Variants in MYO3A observed in about 807,000 individuals in gnomAD.
The protein encoded by MYO3A is myosin IIIA, also known as myosin-IIIa.
Under a neutral mutation model 192.7 loss-of-function variants are expected in MYO3A, and 180 were observed. The ratio of observed to expected loss-of-function variants is 0.93; its 90% CI spans 0.83 to 1.06. The LOEUF is 1.06. MYO3A is among the 50% of genes least tolerant of loss of function. The pLI is 0.00. For missense variants in MYO3A, 1,896 were observed against 1,905.0 expected (o/e 1.00, Z 0.09); for synonymous variants, 628 against 645.3 (o/e 0.97, Z 0.41).
chr10:26,192,364 T>C (rs1234792804), intron 31 of MYO3A, among the ~76,000 whole-genome samples: 1 of 152,178 alleles, frequency 6.6e-6, no homozygotes, highest in Non-Finnish European at 1.5e-5. Flanking sequence ...GAGTCAACTC[T>C]GCAAATGAGC....
At chr10:26,197,498 C>A (rs1843469216) in intron 32 of MYO3A, among the ~76,000 whole-genome samples, 1 of 152,144 alleles carries the variant, frequency 6.6e-6, no homozygotes, top group South Asian at 2.1e-4. Flanking sequence ...AGGCAGCACC[C>A]AATCTCTCTT....
intron 10 of MYO3A, among the ~76,000 whole-genome samples, chr10:26,030,910 C>G (rs908086194): frequency 1.3e-5 from 2 of 152,162 alleles, no homozygotes; most frequent in Non-Finnish European, 2.9e-5. Context: ...CATCACTTTT[C>G]TAACTTATTC....
intron 23 of MYO3A, among the ~76,000 whole-genome samples, chr10:26,150,540 G>A (rs1052515013): frequency 1.3e-5 from 2 of 152,230 alleles, no homozygotes; most frequent in Non-Finnish European, 2.9e-5. Context: ...ATTTTTGAGT[G>A]AGCTTTAGTA....
In MYO3A at chr10:26,203,505, C is replaced by T. The variant is rs190323119; in HGVS notation, c.4730+398C>T. Among the ~76,000 whole-genome samples, 965 of 152,188 alleles carry T rather than the reference C, an allele frequency of 6.3e-3. 12 individuals carry two copies. The highest frequency in any genetic ancestry group is 0.021 in the African/African-American group (873 of 41,526). On this transcript the variant is annotated intron_variant, in intron 34 of 34. Coordinates refer to ENST00000642920, the MANE Select transcript of MYO3A (RefSeq NM_017433.5). ...GTTTCTTAATTATGCTTGTTAATTTCTCAGAATCAATGATGTCAGACCCAA... is the reference window on the plus strand; with the variant it reads ...GTTTCTTAATTATGCTTGTTAATTTTTCAGAATCAATGATGTCAGACCCAA...
chr10:26,128,345 C>G (rs774721264), intron 19 of MYO3A, 46 bp from the exon 20 acceptor site: 1 of 1,580,806 alleles, frequency 6.3e-7, no homozygotes, highest in South Asian at 1.1e-5. Context: ...TTTTACATTA[C>G]CTCTTCAGGA....
intron 2 of MYO3A, among the ~76,000 whole-genome samples, chr10:25,948,478 T>C (rs1483674186): frequency 2.6e-5 from 4 of 152,068 alleles, no homozygotes; most frequent in African/African-American, 9.7e-5. Context: ...AATATATATG[T>C]TGAAAATAAT....
intron 34 of MYO3A, among the ~76,000 whole-genome samples, chr10:26,206,995 T>C (rs1012205113): frequency 6.6e-6 from 1 of 152,202 alleles, no homozygotes; most frequent in Non-Finnish European, 1.5e-5. Context: ...TTCTCAGTCT[T>C]CTTTTGAGAA....
intron 4 of MYO3A, among the ~76,000 whole-genome samples, chr10:25,989,285 T>A (rs987248815): frequency 4.6e-5 from 7 of 151,406 alleles, no homozygotes; most frequent in Admixed American, 2.0e-4. Flanking sequence ...TAAAGCAGCT[T>A]GCAATTTAAA....
intron 17 of MYO3A, among the ~76,000 whole-genome samples, chr10:26,108,662 G>A (rs1443503689): frequency 1.3e-5 from 2 of 152,136 alleles, no homozygotes; most frequent in East Asian, 1.9e-4. Flanking sequence ...AGTGCTTTTG[G>A]CATATTCTCC....
Position 25,975,444 on chromosome 10 carries a change from G to A in MYO3A, c.303+20436G>A, listed in dbSNP as rs7915984. Reference sequence around the variant, plus strand: ...CTTTAGGAAAGAAAGCGTAACGGCAGTTATCAAAGAAGAGGGTGTAACAAC... The same window carrying A: ...CTTTAGGAAAGAAAGCGTAACGGCAATTATCAAAGAAGAGGGTGTAACAAC... On this transcript the variant is annotated intron_variant, in intron 4 of 34. Transcript: ENST00000642920. Among the ~76,000 whole-genome samples the A allele has an allele frequency of 3.9e-3, 601 of 152,308 alleles. 3 individuals are homozygous for A. Among genetic ancestry groups the A allele is most frequent in the Non-Finnish European group, 4.1e-3 (282 of 68,024 alleles).
chr10:26,132,265 T>C (rs1839581818), intron 20 of MYO3A, among the ~76,000 whole-genome samples: 1 of 152,242 alleles, frequency 6.6e-6, no homozygotes, highest in Non-Finnish European at 1.5e-5. Flanking sequence ...ATCACCTATC[T>C]CATATTAGAA....
At chr10:25,968,641 G>A (rs1370941500) in intron 4 of MYO3A, among the ~76,000 whole-genome samples, 1 of 152,224 alleles carries the variant, frequency 6.6e-6, no homozygotes, top group Non-Finnish European at 1.5e-5. Flanking sequence ...AGTACAAGCA[G>A]TTTACCCTTA....
chr10:26,080,322 G>GAC (rs1255546855), intron 14 of MYO3A, among the ~76,000 whole-genome samples: 1 of 152,014 alleles, frequency 6.6e-6, no homozygotes, highest in African/African-American at 2.4e-5. Context: ...ATTTTGCTGA[G>GAC]ACTTTCCACA....
chr10:26,050,137 C>T (rs894376569), intron 10 of MYO3A, among the ~76,000 whole-genome samples: 3 of 151,836 alleles, frequency 2.0e-5, no homozygotes, highest in Admixed American at 6.6e-5. Context: ...TAAAAGATTA[C>T]AAAAATTTAT....
chr10:26,145,347 T>G (rs1840397664), intron 21 of MYO3A, 99 bp from the exon 22 acceptor site: 3 of 795,770 alleles, frequency 3.8e-6, no homozygotes, highest in Non-Finnish European at 6.5e-6. Context: ...AAATTTTCTT[T>G]GTTCACTGCA....
intron 15 of MYO3A, among the ~76,000 whole-genome samples, chr10:26,094,533 T>G (rs554341419): frequency 1.2e-3 from 180 of 149,818 alleles, no homozygotes; most frequent in African/African-American, 4.1e-3. Flanking sequence ...CATGCCATTC[T>G]CCTGCCTCAG....
At chr10:26,041,792 T>A (rs959038497) in intron 10 of MYO3A, among the ~76,000 whole-genome samples, 2 of 152,152 alleles carry the variant, frequency 1.3e-5, no homozygotes, top group East Asian at 3.8e-4. Flanking sequence ...GTACTGTCTA[T>A]GTCTTGAAAC....
At chr10:26,178,863 G>A (rs1320013215) in intron 31 of MYO3A, among the ~76,000 whole-genome samples, 2 of 151,316 alleles carry the variant, frequency 1.3e-5, no homozygotes, top group African/African-American at 2.4e-5. Context: ...GTGCAGTGGC[G>A]CGATCTCGAC....
At chr10:25,945,967 T>C (rs1445604201) in intron 2 of MYO3A, among the ~76,000 whole-genome samples, 2 of 152,136 alleles carry the variant, frequency 1.3e-5, no homozygotes, top group Non-Finnish European at 2.9e-5. Context: ...CTTAACTTGA[T>C]TGCTTATAAA....
Sources: gnomAD v4.1 joint callset for allele counts (sites outside exome capture counted in the v4.1 genomes callset) on GRCh38, gnomAD v4.1.1 for gene constraint, MANE v1.5 for transcripts, NCBI Gene and HGNC (gene_info 2026-07-23, HGNC 2026-07-21) for gene names.